Variants in RBMS3 observed in about 807,000 individuals in gnomAD.
RBMS3 encodes the protein RNA binding motif single stranded interacting protein 3.
A neutral mutation model predicts 66.8 loss-of-function variants in RBMS3; 27 were observed. That is an observed-to-expected ratio of 0.40 (90% CI 0.30 to 0.56). The LOEUF is 0.56. RBMS3 is among the 20% of genes least tolerant of loss of function. RBMS3 has a pLI of 0.40. For synonymous variants in RBMS3, 188 were observed against 183.0 expected (o/e 1.03, Z -0.22); for missense variants, 513 against 549.5 (o/e 0.93, Z 0.66).
chr3:29,726,360 GC>G (rs1375068035), intron 4 of RBMS3, among the ~76,000 whole-genome samples: 1 of 152,106 alleles, frequency 6.6e-6, no homozygotes, highest in African/African-American at 2.4e-5. Context: ...TCTGGCCAGG[GC>G]AATCAGTCAA....
In RBMS3 at chr3:29,509,288, G is replaced by A. The variant is rs909436451; in HGVS notation, c.307+20789G>A. 2.0e-5 allele frequency among the ~76,000 whole-genome samples: 3 copies of A among 151,948 alleles called. No homozygotes were observed. In the East Asian group the frequency reaches 5.8e-4, roughly 29 times the overall value. On this transcript the variant is annotated intron_variant, in intron 3 of 14. Transcript: ENST00000383767. ...ATACCTAATTATTTACATGCCACAT[G>A]GAAAAATACTTTGGTGCCTGTTCTC...
intron 6 of RBMS3, among the ~76,000 whole-genome samples, chr3:29,846,095 A>T (rs2058769093): frequency 6.6e-6 from 1 of 151,764 alleles, no homozygotes; most frequent in Non-Finnish European, 1.5e-5. Context: ...TCGATATTTG[A>T]TGTGGAACTA....
intron 13 of RBMS3, 77 bp downstream of exon 13, chr3:29,988,300 T>A: frequency 8.1e-7 from 1 of 1,241,296 alleles, no homozygotes; most frequent in Non-Finnish European, 1.1e-6. Flanking sequence ...CCCATAACCA[T>A]AGGAATCCTC....
At chr3:29,515,979 G>A (rs753355457) in intron 3 of RBMS3, among the ~76,000 whole-genome samples, 5 of 152,166 alleles carry the variant, frequency 3.3e-5, no homozygotes, top group Admixed American at 6.5e-5. Flanking sequence ...AGAGAATTCC[G>A]TCAAAATTGA....
intron 1 of RBMS3, among the ~76,000 whole-genome samples, chr3:29,378,578 A>T (rs906181039): frequency 4.6e-5 from 7 of 152,126 alleles, no homozygotes; most frequent in Admixed American, 6.5e-5. Flanking sequence ...TGAAAAGCAT[A>T]TCAATGTGCA....
chr3:29,424,940 A>G (rs1033081441), intron 1 of RBMS3, among the ~76,000 whole-genome samples: 1 of 152,152 alleles, frequency 6.6e-6, no homozygotes, highest in African/African-American at 2.4e-5. Context: ...TGAATATTTT[A>G]TGTTGCTCTT....
chr3:29,947,780 C>T (rs958959221), intron 12 of RBMS3, among the ~76,000 whole-genome samples: 12 of 150,900 alleles, frequency 8.0e-5, no homozygotes, highest in East Asian at 3.9e-4. Flanking sequence ...TTATGAAACA[C>T]CTATGAAAAC....
intron 4 of RBMS3, among the ~76,000 whole-genome samples, chr3:29,734,237 C>G (rs2054275668): frequency 6.6e-6 from 1 of 151,918 alleles, no homozygotes; most frequent in African/African-American, 2.4e-5. Context: ...TTACTAGAGG[C>G]TAGGAAGAGT....
chr3:29,977,883 T>A (rs994016676), intron 12 of RBMS3, among the ~76,000 whole-genome samples: 2 of 151,660 alleles, frequency 1.3e-5, no homozygotes, highest in African/African-American at 4.9e-5. Context: ...ATTGCAGATA[T>A]TTTCTAGCTT....
At chr3:29,349,243 T>G (rs1398026434) in intron 1 of RBMS3, among the ~76,000 whole-genome samples, 2 of 152,182 alleles carry the variant, frequency 1.3e-5, no homozygotes, top group Admixed American at 1.3e-4. Flanking sequence ...CTCATTAGCC[T>G]CCAGTGGTTT....
intron 12 of RBMS3, among the ~76,000 whole-genome samples, chr3:29,947,846 G>A (rs1695420483): frequency 6.6e-6 from 1 of 150,754 alleles, no homozygotes; most frequent in Admixed American, 6.6e-5. Flanking sequence ...TAATTTCCTT[G>A]AATGACATCA....
chr3:29,754,059 G>A (rs761418226), intron 5 of RBMS3, among the ~76,000 whole-genome samples: 1 of 151,966 alleles, frequency 6.6e-6, no homozygotes, highest in Non-Finnish European at 1.5e-5. Context: ...CCAGGTTCAA[G>A]GGATCCTCTT....
intron 4 of RBMS3, among the ~76,000 whole-genome samples, chr3:29,631,986 A>C (rs533643429): frequency 6.6e-6 from 1 of 151,946 alleles, no homozygotes; most frequent in Non-Finnish European, 1.5e-5. Context: ...AGAGCAAACC[A>C]GTGTGCAGAA....
intron 6 of RBMS3, among the ~76,000 whole-genome samples, chr3:29,817,459 C>G (rs918214607): frequency 6.6e-6 from 1 of 152,072 alleles, no homozygotes; most frequent in Non-Finnish European, 1.5e-5. Flanking sequence ...CTCGCCTCAG[C>G]CTCCCAAAGT....
At chr3:29,745,246 G>GT (rs1391661183) in intron 5 of RBMS3, among the ~76,000 whole-genome samples, 3 of 128,918 alleles carry the variant, frequency 2.3e-5, no homozygotes, top group Admixed American at 7.6e-5. Flanking sequence ...TTGTGTGTGT[G>GT]TGTTTTTTTT....
At chr3:29,565,951 G>A (rs1167933236) in intron 3 of RBMS3, among the ~76,000 whole-genome samples, 1 of 152,078 alleles carries the variant, frequency 6.6e-6, no homozygotes, top group Non-Finnish European at 1.5e-5. Flanking sequence ...TAATATAAAA[G>A]TATTTTATAA....
At chr3:29,984,276 CT>C (rs1395644986) in intron 12 of RBMS3, among the ~76,000 whole-genome samples, 1 of 151,696 alleles carries the variant, frequency 6.6e-6, no homozygotes, top group Non-Finnish European at 1.5e-5. Context: ...CATATATGTT[CT>C]TTTTTAAACG....
intron 6 of RBMS3, among the ~76,000 whole-genome samples, chr3:29,815,051 G>T (rs2149464490): frequency 6.6e-6 from 1 of 152,274 alleles, no homozygotes; most frequent in Admixed American, 6.5e-5. Context: ...TAATGACAAA[G>T]AAGTCTATCC....
At chr3:29,998,381 C>T (rs1322579120) in intron 14 of RBMS3, among the ~76,000 whole-genome samples, 2 of 151,988 alleles carry the variant, frequency 1.3e-5, no homozygotes, top group African/African-American at 2.4e-5. Flanking sequence ...CATCAAGCTA[C>T]CAATGACTTT....
Sources: allele counts gnomAD v4.1 joint callset (sites outside exome capture counted in the v4.1 genomes callset), GRCh38; gene constraint gnomAD v4.1.1; transcripts MANE v1.5; gene names NCBI Gene and HGNC (gene_info 2026-07-23, HGNC 2026-07-21).